Variants in LRP1B observed in about 807,000 individuals in gnomAD.
The protein encoded by LRP1B is low-density lipoprotein receptor-related protein 1B.
Under a neutral mutation model 556.6 loss-of-function variants are expected in LRP1B, and 217 were observed. That is an observed-to-expected ratio of 0.39 (90% CI 0.35 to 0.44). The LOEUF (loss-of-function observed/expected upper bound fraction) is 0.44, where lower values mean the gene tolerates loss of function less well. Among genes scored for constraint, LRP1B ranks in the 20% least tolerant of loss-of-function variants. LRP1B has a pLI of 1.00. For missense variants in LRP1B, 5,053 were observed against 5,620.8 expected, an observed-to-expected ratio of 0.90 and a Z score of 3.23; for synonymous variants, 2,047 against 1,865.8, an observed-to-expected ratio of 1.10 and a Z score of -2.50.
chr2:140,447,712 T>C (rs1686723000), intron 63 of LRP1B, among the ~76,000 whole-genome samples: 1 of 152,174 alleles, frequency 6.6e-6, no homozygotes, highest in South Asian at 2.1e-4. Flanking sequence ...ACAAGAAGCA[T>C]AGCTTTTGGT....
chr2:140,542,419 G>A (rs191646605), intron 43 of LRP1B, among the ~76,000 whole-genome samples: 13 of 152,136 alleles, frequency 8.5e-5, no homozygotes, highest in South Asian at 2.1e-4. Context: ...GAAGTTCACC[G>A]CATGAGTGAC....
intron 41 of LRP1B, among the ~76,000 whole-genome samples, chr2:140,603,955 T>C (rs1682771786): frequency 6.6e-6 from 1 of 152,126 alleles, no homozygotes; most frequent in South Asian, 2.1e-4. Context: ...GTGGCATGTA[T>C]ATGTGTGTGT....
chr2:140,456,352 A>T, intron 62 of LRP1B, 103 bp downstream of exon 62: 2 of 1,118,150 alleles, frequency 1.8e-6, no homozygotes, highest in Non-Finnish European at 2.4e-6. Context: ...TTATTCTGTG[A>T]CCATCTCTAC....
At chr2:140,743,310 T>C (rs1193146042) in intron 35 of LRP1B, among the ~76,000 whole-genome samples, 1 of 152,128 alleles carries the variant, frequency 6.6e-6, no homozygotes. Context: ...AACATAAAAA[T>C]GCTTGGAGTA....
At chr2:141,917,821 C>T (rs552410773) in intron 1 of LRP1B, among the ~76,000 whole-genome samples, 1 of 152,276 alleles carries the variant, frequency 6.6e-6, no homozygotes, top group Non-Finnish European at 1.5e-5. Flanking sequence ...GCACAGCTTG[C>T]ATCTTAAATA....
chr2:141,164,681 C>G (rs968790177), intron 7 of LRP1B, among the ~76,000 whole-genome samples: 9 of 151,990 alleles, frequency 5.9e-5, no homozygotes, highest in African/African-American at 1.9e-4. Flanking sequence ...ATATTTCTAT[C>G]TGTGATAGTA....
rs2104907354 is a variant in LRP1B at position 140,506,870 on chromosome 2, A to T, written c.8447T>A (p.Val2816Glu). The stretch of plus-strand genomic sequence containing the variant: ...ACAAACAAATTGCTTGGGAATGCAT[A>T]CTTTATTATGGCACATGAAAGCATT... ...DENAFMCHNK[V>E]CIPKQFVCDH... Residue 2816 changes from valine to glutamate, a missense_variant, in exon 53 of 91, where the codon GTA becomes GAA. This residue lies in a region of LRP1B where 3,619 missense variants were observed against 3,931.9 expected (regional missense o/e 0.92). Transcript: ENST00000389484. 6.2e-7 allele frequency: 1 copy of T among 1,614,078 alleles called. No homozygotes were observed. Among genetic ancestry groups the T allele is most frequent in the Non-Finnish European group, 8.5e-7 (1 of 1,179,972 alleles).
intron 2 of LRP1B, among the ~76,000 whole-genome samples, chr2:141,496,787 A>G (rs999256917): frequency 1.3e-5 from 2 of 152,164 alleles, no homozygotes; most frequent in Middle Eastern, 6.8e-3. Context: ...TATGAAGAAG[A>G]AAAGAATAGA....
At chr2:141,414,477 A>G (rs1217711423) in intron 3 of LRP1B, among the ~76,000 whole-genome samples, 1 of 152,240 alleles carries the variant, frequency 6.6e-6, no homozygotes, top group East Asian at 1.9e-4. Context: ...TTAGCACACT[A>G]TTTGAAGACT....
chr2:142,127,049 A>C (rs11886791), intron 1 of LRP1B, among the ~76,000 whole-genome samples: 12,212 of 151,568 alleles, frequency 0.081, 1,632 homozygotes, highest in African/African-American at 0.28. Flanking sequence ...TACATTAACC[A>C]TATCACTCAT....
intron 1 of LRP1B, among the ~76,000 whole-genome samples, chr2:141,852,332 T>G (rs1055572350): frequency 2.0e-5 from 3 of 151,878 alleles, no homozygotes; most frequent in Admixed American, 6.6e-5. Context: ...ATTATTCAAA[T>G]ATATAGTCAA....
chr2:140,939,114 A>G (rs1388137034), intron 20 of LRP1B, among the ~76,000 whole-genome samples: 2 of 152,084 alleles, frequency 1.3e-5, no homozygotes, highest in African/African-American at 4.8e-5. Flanking sequence ...AGAGAAAAAA[A>G]GTACTACAAG....
At chr2:141,731,001 G>T (rs534434373) in intron 2 of LRP1B, among the ~76,000 whole-genome samples, 1 of 152,132 alleles carries the variant, frequency 6.6e-6, no homozygotes, top group South Asian at 2.1e-4. Flanking sequence ...CAAGAACCAG[G>T]TATAGTGTGG....
At chr2:141,781,486 C>T (rs1695253759) in intron 2 of LRP1B, among the ~76,000 whole-genome samples, 3 of 152,066 alleles carry the variant, frequency 2.0e-5, no homozygotes, top group African/African-American at 7.2e-5. Context: ...AAACCCAATG[C>T]AAAAATAAAG....
chr2:141,693,719 G>GT (rs1395985812), intron 2 of LRP1B, among the ~76,000 whole-genome samples: 2 of 151,894 alleles, frequency 1.3e-5, no homozygotes, highest in Non-Finnish European at 2.9e-5. Flanking sequence ...TCCCTATTTT[G>GT]TTTTTTACTT....
At position 140,583,162 on chromosome 2, in the gene LRP1B, C is replaced by CTTTTTTT. The variant is rs1220644581; in HGVS notation, c.7194+15462_7194+15468dup. On this transcript the variant is annotated intron_variant, in intron 43 of 90. Transcript: ENST00000389484. ...TGAAAGTTTCTATTGACAGTTTCTC[C>CTTTTTTT]TTTTTTTTCTTTTTTTTTTTTTTTT... 2.3e-4 allele frequency among the ~76,000 whole-genome samples: 25 copies of CTTTTTTT among 107,808 alleles called. 2 individuals carry two copies. The highest frequency in any genetic ancestry group is 6.1e-4 in the African/African-American group (15 of 24,692). The allele number at this position is 107,808 out of a possible 152,430, so 70.7% of individuals were successfully genotyped here.
intron 1 of LRP1B, among the ~76,000 whole-genome samples, chr2:141,924,727 G>A (rs1158093826): frequency 6.6e-6 from 1 of 152,146 alleles, no homozygotes; most frequent in African/African-American, 2.4e-5. Flanking sequence ...ACATGTCCTG[G>A]GAGGAGGGGG....
At chr2:140,816,142 A>G (rs115490378) in intron 31 of LRP1B, among the ~76,000 whole-genome samples, 2,870 of 151,760 alleles carry the variant, frequency 0.019, 84 homozygotes, top group African/African-American at 0.066. Flanking sequence ...TTTTTCAGAC[A>G]GAGTATCACT....
intron 66 of LRP1B, among the ~76,000 whole-genome samples, chr2:140,423,098 CT>C (rs1685516074): frequency 6.6e-6 from 1 of 152,124 alleles, no homozygotes; most frequent in Non-Finnish European, 1.5e-5. Flanking sequence ...GAAAAAAGCT[CT>C]GGAATTTAAG....
Sources: allele counts gnomAD v4.1 joint callset (sites outside exome capture counted in the v4.1 genomes callset), GRCh38; gene constraint gnomAD v4.1.1; regional missense constraint gnomAD v4.1.1; transcripts MANE v1.5; gene names NCBI Gene and HGNC (gene_info 2026-07-23, HGNC 2026-07-21).